The following CCSER1 variants were observed in gnomAD, a reference collection of about 807,000 sequenced individuals.
CCSER1 encodes the protein coiled-coil serine rich protein 1.
CCSER1 carries 41 observed loss-of-function variants against 82.0 expected under a neutral mutation model. The observed-to-expected ratio is 0.50, with a 90% CI of 0.39 to 0.65. The LOEUF (loss-of-function observed/expected upper bound fraction) is 0.65. Ranked by LOEUF, CCSER1 falls within the 30% of genes least tolerant of loss-of-function variation. The probability of loss-of-function intolerance (pLI) is 0.00; values close to 1 mark genes in which losing one functional copy is unlikely to be tolerated. For synonymous variants in CCSER1, 414 were observed against 383.9 expected (o/e 1.08, Z -0.92); for missense variants, 1,119 against 1,064.2 (o/e 1.05, Z -0.72).
At chr4:90,730,272 A>C in intron 7 of CCSER1, among the ~76,000 whole-genome samples, 1 of 152,210 alleles carries the variant, frequency 6.6e-6, no homozygotes, top group East Asian at 1.9e-4. Context: ...TTGTGTGTGT[A>C]TGAGAGAGTT....
At chr4:90,900,025 CCAGATCTTCTTTG>C (rs1416044175) in intron 8 of CCSER1, among the ~76,000 whole-genome samples, 2 of 150,540 alleles carry the variant, frequency 1.3e-5, no homozygotes, top group African/African-American at 4.9e-5. Context: ...AAGATTGGTA[CCAGATCTTCTTTG>C]CAGATCTTCT....
chr4:91,114,673 T>C (rs140459579), intron 10 of CCSER1, among the ~76,000 whole-genome samples: 82 of 152,298 alleles, frequency 5.4e-4, no homozygotes, highest in Non-Finnish European at 8.7e-4. Flanking sequence ...ATTATACAAA[T>C]GAAAGAAAGA....
intron 10 of CCSER1, among the ~76,000 whole-genome samples, chr4:91,551,789 A>G (rs555193600): frequency 6.6e-6 from 1 of 151,618 alleles, no homozygotes; most frequent in African/African-American, 2.4e-5. Context: ...TTTCCAAAGA[A>G]GAGATCATTT....
intron 8 of CCSER1, among the ~76,000 whole-genome samples, chr4:90,882,229 T>A (rs985996010): frequency 6.6e-6 from 1 of 152,002 alleles, no homozygotes; most frequent in African/African-American, 2.4e-5. Context: ...ATATACCTAG[T>A]CATAATAAGG....
chr4:91,130,265 T>G (rs1727883955), intron 10 of CCSER1, among the ~76,000 whole-genome samples: 3 of 149,720 alleles, frequency 2.0e-5, no homozygotes, highest in African/African-American at 7.4e-5. Flanking sequence ...TTAAAAACAT[T>G]AATTAATGTT....
chr4:90,692,158 A>C (rs1428045741), intron 6 of CCSER1, among the ~76,000 whole-genome samples: 4 of 150,966 alleles, frequency 2.6e-5, no homozygotes, highest in Admixed American at 6.7e-5. Context: ...TCTCATTATA[A>C]AGTTAAAGAT....
intron 10 of CCSER1, among the ~76,000 whole-genome samples, chr4:91,332,527 T>C (rs1038721726): frequency 2.0e-5 from 3 of 151,840 alleles, no homozygotes; most frequent in Non-Finnish European, 4.4e-5. Context: ...TTCTTTTTAT[T>C]TTTTATATAC....
At chr4:90,370,728 G>T (rs117328850) in intron 3 of CCSER1, among the ~76,000 whole-genome samples, 1 of 152,046 alleles carries the variant, frequency 6.6e-6, no homozygotes, top group East Asian at 1.9e-4. Flanking sequence ...TTTTTTGTAT[G>T]AAATATATTC....
At chr4:90,491,908 A>C (rs1768090325) in intron 5 of CCSER1, among the ~76,000 whole-genome samples, 1 of 152,104 alleles carries the variant, frequency 6.6e-6, no homozygotes. Context: ...GTGCTGCTGG[A>C]TTTGGTTTGC....
intron 10 of CCSER1, among the ~76,000 whole-genome samples, chr4:91,382,715 T>C (rs1027294905): frequency 6.6e-6 from 1 of 152,112 alleles, no homozygotes; most frequent in African/African-American, 2.4e-5. Flanking sequence ...CCCACTGTCC[T>C]GCACCCACTG....
chr4:91,264,237 A>T (rs1045322970), intron 10 of CCSER1, among the ~76,000 whole-genome samples: 1 of 151,720 alleles, frequency 6.6e-6, no homozygotes, highest in South Asian at 2.1e-4. Context: ...AAGTGCTGCC[A>T]TCTTTGCTTG....
intron 5 of CCSER1, among the ~76,000 whole-genome samples, chr4:90,571,756 A>G (rs1238111202): frequency 1.3e-5 from 2 of 152,176 alleles, no homozygotes; most frequent in Non-Finnish European, 2.9e-5. Context: ...ATTAAAATAA[A>G]TAACACAAAA....
chr4:90,954,396 T>C (rs1054715341), intron 9 of CCSER1, among the ~76,000 whole-genome samples: 1 of 152,098 alleles, frequency 6.6e-6, no homozygotes, highest in African/African-American at 2.4e-5. Context: ...AATTTTATAA[T>C]TCATTTCAGT....
At chr4:90,879,643 A>AAG (rs1490960655) in intron 8 of CCSER1, among the ~76,000 whole-genome samples, 15 of 150,892 alleles carry the variant, frequency 9.9e-5, no homozygotes, top group Admixed American at 4.6e-4. Context: ...AAGAAAGAAG[A>AAG]AAGAGGAAGA....
chr4:91,115,129 AT>A (rs1252040447), intron 10 of CCSER1, among the ~76,000 whole-genome samples: 7 of 152,334 alleles, frequency 4.6e-5, no homozygotes, highest in Admixed American at 4.6e-4. Context: ...TGAAGGGCCA[AT>A]TGAATAATAA....
intron 10 of CCSER1, among the ~76,000 whole-genome samples, chr4:91,090,764 A>T (rs1723862636): frequency 1.3e-5 from 2 of 152,182 alleles, no homozygotes; most frequent in African/African-American, 4.8e-5. Context: ...CTGGAATTTC[A>T]GGTACTGGCA....
At chr4:91,547,543 G>C (rs1761951969) in intron 10 of CCSER1, among the ~76,000 whole-genome samples, 2 of 152,000 alleles carry the variant, frequency 1.3e-5, no homozygotes, top group African/African-American at 4.8e-5. Flanking sequence ...TCTTCCTTCT[G>C]TTTACTTTTA....
chr4:90,640,376 T>TCGGA (rs1726266309), intron 6 of CCSER1, among the ~76,000 whole-genome samples: 1 of 152,156 alleles, frequency 6.6e-6, no homozygotes, highest in Non-Finnish European at 1.5e-5. Flanking sequence ...TGTCTTAGTT[T>TCGGA]TGGAAGGAAA....
At chr4:90,413,981 AATATATATATAT>A (rs70963066) in intron 4 of CCSER1, among the ~76,000 whole-genome samples, 54 of 52,452 alleles carry the variant, frequency 1.0e-3, no homozygotes, top group African/African-American at 4.8e-3. Flanking sequence ...AAAAAAAAAA[AATATATATATAT>A]ATATATATAT....
Sources: gnomAD v4.1 joint callset for allele counts (sites outside exome capture counted in the v4.1 genomes callset) on GRCh38, gnomAD v4.1.1 for gene constraint, MANE v1.5 for transcripts, NCBI Gene and HGNC (gene_info 2026-07-23, HGNC 2026-07-21) for gene names.